The following EHBP1 variants were observed in gnomAD, a reference collection of about 807,000 sequenced individuals.
The protein encoded by EHBP1 is EH domain binding protein 1, also known as EH domain-binding protein 1.
A neutral mutation model predicts 144.0 loss-of-function variants in EHBP1; 55 were observed. The ratio of observed to expected loss-of-function variants is 0.38; its 90% CI spans 0.31 to 0.48. The LOEUF is 0.48. EHBP1 is among the 20% of genes least tolerant of loss of function. The pLI is 0.98. For missense variants in EHBP1, 1,200 were observed against 1,364.2 expected (o/e 0.88, Z 1.90); for synonymous variants, 469 against 472.7 (o/e 0.99, Z 0.10).
chr2:62,750,880 T>G lies in EHBP1; in HGVS notation c.162+3428T>G, dbSNP rs569823352. Among the ~76,000 whole-genome samples, 4 of 152,326 alleles carry G rather than the reference T, an allele frequency of 2.6e-5. No individual in the cohort carries two copies. The South Asian group carries it at 8.3e-4, about 32-fold the overall frequency. Reference sequence around the variant, plus strand: ...GTTGCTTATTAGCTTAAGGAGATTTTGGGCTGAGACAAATGGGGTTTTCTA... The same window carrying G: ...GTTGCTTATTAGCTTAAGGAGATTTGGGGCTGAGACAAATGGGGTTTTCTA... On this transcript the variant is annotated intron_variant, in intron 3 of 22. Coordinates refer to ENST00000431489, the MANE Select transcript of EHBP1 (RefSeq NM_001142616.3).
chr2:62,945,434 A>G (rs1006076529), intron 12 of EHBP1, among the ~76,000 whole-genome samples: 7 of 152,202 alleles, frequency 4.6e-5, no homozygotes, highest in African/African-American at 7.2e-5. Context: ...CTAGTGATAC[A>G]AAGTCTTGGG....
intron 9 of EHBP1, among the ~76,000 whole-genome samples, chr2:62,872,440 A>G (rs896286519): frequency 2.0e-5 from 3 of 152,110 alleles, no homozygotes; most frequent in African/African-American, 7.2e-5. Context: ...AATTCTGTAA[A>G]TATTTTTTAT....
chr2:62,859,423 C>A, intron 8 of EHBP1, 132 bp downstream of exon 8: 1 of 838,830 alleles, frequency 1.2e-6, no homozygotes, highest in Non-Finnish European at 1.7e-6. Flanking sequence ...TTATTGTGTT[C>A]AATACCACTT....
At chr2:62,940,338 G>C (rs1230292533) in intron 10 of EHBP1, 2 of 213,570 alleles carry the variant, frequency 9.4e-6, no homozygotes, top group Non-Finnish European at 1.9e-5. Flanking sequence ...CTTTTTAAGA[G>C]GTCAGTATGG....
intron 10 of EHBP1, among the ~76,000 whole-genome samples, chr2:62,935,371 C>A (rs1238431538): frequency 2.1e-5 from 3 of 144,708 alleles, no homozygotes; most frequent in Admixed American, 6.9e-5. Flanking sequence ...ATATATCCAT[C>A]TCTTTAGATT....
Position 62,942,717 on chromosome 2 carries a change from G to T in EHBP1, c.1186-1G>T. 1 of 1,559,716 alleles carries T rather than the reference G, an allele frequency of 6.4e-7. No individual in the cohort carries two copies. The highest frequency in any genetic ancestry group is 8.7e-7 in the Non-Finnish European group (1 of 1,152,540). Reference sequence around the variant, plus strand: ...GTTTTCCCCTTTTCATTTTTTTCTAGCCAAGCCCTATACCAAGTCCTGTTT... The same window carrying T: ...GTTTTCCCCTTTTCATTTTTTTCTATCCAAGCCCTATACCAAGTCCTGTTT... On this transcript the variant is annotated splice_acceptor_variant, in intron 10 of 22. Transcript: ENST00000431489. LOFTEE classifies it high-confidence loss of function.
At chr2:62,764,391 T>A in intron 4 of EHBP1, 30 bp downstream of exon 4, 1 of 1,464,968 alleles carries the variant, frequency 6.8e-7, no homozygotes, top group Non-Finnish European at 9.2e-7. Context: ...GCTATAGAAT[T>A]TATTATATAA....
chr2:62,856,977 C>T (rs2049112280), intron 7 of EHBP1, among the ~76,000 whole-genome samples: 1 of 152,254 alleles, frequency 6.6e-6, no homozygotes, highest in East Asian at 1.9e-4. Context: ...CAACTTGGCC[C>T]ACTGTTGCTG....
chr2:62,903,734 C>T (rs183002408), intron 10 of EHBP1, among the ~76,000 whole-genome samples: 1 of 152,108 alleles, frequency 6.6e-6, no homozygotes, highest in East Asian at 1.9e-4. Flanking sequence ...CCATTGCACT[C>T]CAGCCTGGCC....
At chr2:62,990,938 T>C in intron 16 of EHBP1, 98 bp downstream of exon 16, 1 of 1,420,420 alleles carries the variant, frequency 7.0e-7, no homozygotes, top group East Asian at 2.4e-5. Flanking sequence ...ACCTAATTTT[T>C]CACCAATATT....
At chr2:62,994,145 G>C in intron 18 of EHBP1, 168 bp downstream of exon 18, 1 of 410,212 alleles carries the variant, frequency 2.4e-6, no homozygotes, top group Non-Finnish European at 4.5e-6. Flanking sequence ...CTGCAGTGTG[G>C]TGATAATTGT....
At chr2:62,841,396 C>T (rs1035491319) in intron 7 of EHBP1, among the ~76,000 whole-genome samples, 2 of 150,778 alleles carry the variant, frequency 1.3e-5, no homozygotes, top group African/African-American at 2.4e-5. Context: ...TGCTAGATGA[C>T]GAGTTAGTGG....
chr2:62,959,072 T>C (rs1264532688), intron 14 of EHBP1, among the ~76,000 whole-genome samples: 1 of 152,204 alleles, frequency 6.6e-6, no homozygotes, highest in Non-Finnish European at 1.5e-5. Context: ...TGTTTCGCTC[T>C]TTGATTCCAT....
In EHBP1 at chr2:62,864,862, A is replaced by G. The variant is rs777228610; in HGVS notation, c.889A>G (p.Ile297Val). 6 of 1,614,012 alleles carry G rather than the reference A, an allele frequency of 3.7e-6. No homozygotes were observed. The highest frequency in any genetic ancestry group is 1.7e-5 in the Admixed American group (1 of 60,006). ...CGATGAGCCAGAAGCATTTGTGACCATAAAGGATTCTCCTCCCCAGTCTAC... is the reference window on the plus strand; with the variant it reads ...CGATGAGCCAGAAGCATTTGTGACCGTAAAGGATTCTCCTCCCCAGTCTAC... Reference protein sequence around the residue: ...PFDEPEAFVTIKDSPPQSTKR... With the variant: ...PFDEPEAFVTVKDSPPQSTKR... The change falls in exon 9 of 23, where the codon ATA (isoleucine) becomes GTA (valine). Residue 297 changes from isoleucine to valine, a missense_variant. Transcript: ENST00000431489.
At chr2:62,969,571 CTA>C (rs2058400470) in intron 14 of EHBP1, among the ~76,000 whole-genome samples, 1 of 152,082 alleles carries the variant, frequency 6.6e-6, no homozygotes, top group African/African-American at 2.4e-5. Flanking sequence ...ATATTAAAAA[CTA>C]TCTCAAATTT....
At chr2:62,846,347 G>A (rs2048300603) in intron 7 of EHBP1, among the ~76,000 whole-genome samples, 1 of 151,960 alleles carries the variant, frequency 6.6e-6, no homozygotes, top group Admixed American at 6.6e-5. Context: ...AGTTCACTAA[G>A]GATTTATCCT....
chr2:63,003,864 C>T (rs2059934853), intron 19 of EHBP1, among the ~76,000 whole-genome samples: 1 of 152,134 alleles, frequency 6.6e-6, no homozygotes, highest in South Asian at 2.1e-4. Context: ...TTTACATTTC[C>T]ACTATGTAAG....
At chr2:62,916,475 C>T (rs964831439) in intron 10 of EHBP1, among the ~76,000 whole-genome samples, 9 of 151,728 alleles carry the variant, frequency 5.9e-5, no homozygotes, top group Non-Finnish European at 1.3e-4. Flanking sequence ...CGCCTGTAAT[C>T]CCAGCTACTC....
chr2:62,712,035 G>A (rs1046105496), intron 2 of EHBP1, among the ~76,000 whole-genome samples: 2 of 152,078 alleles, frequency 1.3e-5, no homozygotes, highest in Admixed American at 6.6e-5. Context: ...TTTTTTGCTT[G>A]GCAGATATTG....
Sources: gnomAD v4.1 joint callset for allele counts (sites outside exome capture counted in the v4.1 genomes callset) on GRCh38, gnomAD v4.1.1 for gene constraint, MANE v1.5 for transcripts, NCBI Gene and HGNC (gene_info 2026-07-23, HGNC 2026-07-21) for gene names.